RTTN: variants seen among roughly 807,000 people sequenced by gnomAD.
The protein encoded by RTTN is rotatin.
RTTN carries 182 observed loss-of-function variants against 269.2 expected under a neutral mutation model. The observed-to-expected ratio is 0.68, with a 90% CI of 0.60 to 0.76. The LOEUF is 0.76. Ranked by LOEUF, RTTN falls within the 30% of genes least tolerant of loss-of-function variation. The pLI, the probability that RTTN is intolerant of heterozygous loss-of-function variation, is 0.00. For missense variants in RTTN, 2,545 were observed against 2,608.6 expected, an observed-to-expected ratio of 0.98 and a Z score of 0.53; for synonymous variants, 1,006 against 963.5, an observed-to-expected ratio of 1.04 and a Z score of -0.82.
intron 48 of RTTN, among the ~76,000 whole-genome samples, chr18:70,004,552 T>A (rs111725819): frequency 0.01 from 1,552 of 152,070 alleles, 23 homozygotes; most frequent in African/African-American, 0.035. Context: ...TAAAGCATAA[T>A]CTTTAACTTC....
At chr18:70,054,372 A>T in intron 37 of RTTN, 88 bp from the exon 38 acceptor site, 1 of 1,213,314 alleles carries the variant, frequency 8.2e-7, no homozygotes, top group Non-Finnish European at 1.1e-6. Flanking sequence ...GTAACACAAT[A>T]AAAAATAAAA....
At chr18:70,119,287 C>T (rs766776784) in intron 26 of RTTN, among the ~76,000 whole-genome samples, 64 of 146,698 alleles carry the variant, frequency 4.4e-4, no homozygotes, top group Non-Finnish European at 7.4e-4. Context: ...ACAGTAACCG[C>T]GCCCCCCCAA....
rs188244890 is a variant in RTTN at position 70,069,177 on chromosome 18, G to C, written c.4654-3255C>G. 5.1e-4 allele frequency among the ~76,000 whole-genome samples: 77 copies of C among 152,124 alleles called. 2 individuals carry two copies. Among genetic ancestry groups the C allele is most frequent in the Middle Eastern group, 6.8e-3 (2 of 294 alleles). ...GTTAATAACACTGCACAGTCTACTTGAAAGAGAGTAGTTCTTAAGTGTTCT... is the reference window on the plus strand; with the variant it reads ...GTTAATAACACTGCACAGTCTACTTCAAAGAGAGTAGTTCTTAAGTGTTCT... On this transcript the variant is annotated intron_variant, in intron 34 of 48. Transcript: ENST00000640769.
intron 44 of RTTN, among the ~76,000 whole-genome samples, chr18:70,022,859 T>G (rs2056744750): frequency 6.6e-6 from 1 of 152,184 alleles, no homozygotes; most frequent in Admixed American, 6.5e-5. Context: ...ACTCCAAATG[T>G]TGATGTGCCT....
At chr18:70,195,653 G>A (rs1417335408) in intron 7 of RTTN, among the ~76,000 whole-genome samples, 1 of 152,198 alleles carries the variant, frequency 6.6e-6, no homozygotes, top group Non-Finnish European at 1.5e-5. Context: ...TACTTCCCTA[G>A]AGGCTAGAAT....
chr18:70,004,264 ATAC>A, intron 48 of RTTN, 28 bp from the exon 49 acceptor site: 1 of 1,516,734 alleles, frequency 6.6e-7, no homozygotes, highest in Non-Finnish European at 9.2e-7. Flanking sequence ...GAGTACAGAA[ATAC>A]TAGTTTATGA....
At chr18:70,166,704 G>A (rs571547011) in intron 13 of RTTN, 39 of 406,702 alleles carry the variant, frequency 9.6e-5, no homozygotes, top group Middle Eastern at 6.4e-4. Context: ...TTTGATTGTA[G>A]GCATGACATT....
intron 28 of RTTN, among the ~76,000 whole-genome samples, chr18:70,105,644 A>G (rs749298770): frequency 4.6e-5 from 7 of 152,136 alleles, no homozygotes; most frequent in Non-Finnish European, 8.8e-5. Flanking sequence ...AATTTATTTT[A>G]TTAAAGGGAC....
At chr18:70,117,559 C>A (rs1471169318) in intron 26 of RTTN, among the ~76,000 whole-genome samples, 1 of 151,958 alleles carries the variant, frequency 6.6e-6, no homozygotes, top group Non-Finnish European at 1.5e-5. Flanking sequence ...TAATACCATA[C>A]AAAACCAAAT....
rs907698160 is a variant in RTTN, at chr18:70,015,141, C to G, written c.6421+2266G>C. ...TTGCCCAGGCTGGAGTGCAGTGGCG[C>G]GATCTTGGCTCACTGCAACCTCCGT... On this transcript the variant is annotated intron_variant, in intron 46 of 48. Coordinates refer to ENST00000640769, the MANE Select transcript of RTTN (RefSeq NM_173630.4). Among the ~76,000 whole-genome samples the G allele has an allele frequency of 3.3e-5, 5 of 151,538 alleles. No homozygotes were observed. The East Asian group carries it at 9.7e-4, about 30-fold the overall frequency.
At chr18:70,168,298 C>T (rs1599876303) in intron 12 of RTTN, among the ~76,000 whole-genome samples, 5 of 152,212 alleles carry the variant, frequency 3.3e-5, no homozygotes, top group Admixed American at 3.3e-4. Flanking sequence ...TCATTGATAA[C>T]ATACTAATAT....
intron 42 of RTTN, 87 bp from the exon 43 acceptor site, chr18:70,028,888 C>A: frequency 2.3e-6 from 2 of 855,552 alleles, no homozygotes; most frequent in South Asian, 3.1e-5. Flanking sequence ...CTTTGGGTCA[C>A]GGGACAATGC....
Position 70,176,728 on chromosome 18 carries a change from T to C in RTTN, c.1423A>G (p.Ser475Gly), listed in dbSNP as rs368044623. Residue 475 changes from serine to glycine, a missense_variant, in exon 11 of 49, where the codon AGC (serine) becomes GGC (glycine). Physicochemically the swap from Ser to Gly is moderately conservative, Grantham distance 56. Transcript: ENST00000640769. ...AGTCGAACTGCAAACAGGGAAATGC[T>C]GATAAAGGCCATTCTGTGGTGCACA... is the stretch of plus-strand genomic sequence containing the variant. ...MLVHHRMAFISISLFAVRLLQ... is the reference protein window; with the variant it reads ...MLVHHRMAFIGISLFAVRLLQ... The C allele has an allele frequency of 9.0e-5, 145 of 1,613,958 alleles. No homozygotes were observed. The highest frequency in any genetic ancestry group is 1.6e-4 in the Middle Eastern group (1 of 6,084).
chr18:70,113,294 G>C (rs991361341), intron 27 of RTTN, among the ~76,000 whole-genome samples: 4 of 152,190 alleles, frequency 2.6e-5, no homozygotes, highest in Admixed American at 1.3e-4. Flanking sequence ...ATAAGAACAT[G>C]AGAAGATGCT....
In RTTN at chr18:70,127,635, T is replaced by C. The variant is rs761597986; in HGVS notation, c.3250A>G (p.Thr1084Ala). 1.5e-5 allele frequency: 25 copies of C among 1,613,394 alleles called. No individual in the cohort carries two copies. The highest frequency in any genetic ancestry group is 1.9e-5 in the Non-Finnish European group (23 of 1,179,750). ...DCLHSIVQAA[T>A]HREVRAAVTR... ...ACAGCAGCCCTAACTTCCCTGTGGG[T>C]TGCAGCCTGAACAATGGAATGGAGG... The change falls in exon 25 of 49, where the codon ACC (threonine) becomes GCC (alanine). Residue 1084 changes from threonine to alanine, a missense_variant. Thr to Ala is a moderately conservative substitution (Grantham distance 58, BLOSUM62 0). Transcript: ENST00000640769.
At chr18:70,173,559 G>A (rs1391241087) in intron 11 of RTTN, among the ~76,000 whole-genome samples, 1 of 149,862 alleles carries the variant, frequency 6.7e-6, no homozygotes, top group African/African-American at 2.5e-5. Context: ...AGGAAACAAA[G>A]CTGCAAATGT....
chr18:70,202,050 T>G (rs988352861), intron 3 of RTTN, 67 bp from the exon 4 acceptor site: 2 of 904,240 alleles, frequency 2.2e-6, no homozygotes, highest in South Asian at 1.6e-5. Context: ...CTTACTTTCT[T>G]TAAGTGGTAA....
At chr18:70,186,206 A>G (rs1033848535) in intron 10 of RTTN, among the ~76,000 whole-genome samples, 2 of 152,234 alleles carry the variant, frequency 1.3e-5, no homozygotes, top group African/African-American at 4.8e-5. Flanking sequence ...ATGGATAAAC[A>G]AATTGTGGTA....
chr18:70,042,422 A>C (rs960730937), intron 40 of RTTN, among the ~76,000 whole-genome samples: 2 of 119,010 alleles, frequency 1.7e-5, no homozygotes, highest in Admixed American at 1.2e-4. Context: ...GTCGCCCAGG[A>C]TAGAGTGCAG....
Sources: gnomAD v4.1 joint callset for allele counts (sites outside exome capture counted in the v4.1 genomes callset) on GRCh38, gnomAD v4.1.1 for gene constraint, MANE v1.5 for transcripts, NCBI Gene and HGNC (gene_info 2026-07-23, HGNC 2026-07-21) for gene names.